The following CDH10 variants were observed in gnomAD, a reference collection of about 807,000 sequenced individuals.
CDH10 encodes the protein cadherin-10.
A neutral mutation model predicts 73.1 loss-of-function variants in CDH10; 30 were observed. That is an observed-to-expected ratio of 0.41 (90% CI 0.31 to 0.56). The LOEUF is 0.56. CDH10 is among the 20% of genes least tolerant of loss of function. The probability of loss-of-function intolerance (pLI) is 0.27; values close to 1 mark genes in which losing one functional copy is unlikely to be tolerated. For synonymous variants in CDH10, 345 were observed against 348.2 expected (o/e 0.99, Z 0.10); for missense variants, 815 against 973.7 (o/e 0.84, Z 2.17).
intron 2 of CDH10, among the ~76,000 whole-genome samples, chr5:24,586,840 A>ATTTTTTTTTTTTTTTTTTTTTTTTTTTTT (rs1746023448): frequency 9.9e-6 from 1 of 100,608 alleles, no homozygotes; most frequent in African/African-American, 5.2e-5. Flanking sequence ...GATAGCCCAT[A>ATTTTTTTTTTTTTTTTTTTTTTTTTTTTT]TTCTTTTTTT....
At chr5:24,582,312 C>T in intron 2 of CDH10, among the ~76,000 whole-genome samples, 1 of 151,916 alleles carries the variant, frequency 6.6e-6, no homozygotes, top group East Asian at 1.9e-4. Context: ...CAATATTTGG[C>T]AAAAGAAGAA....
chr5:24,572,498 G>A (rs1191736727), intron 2 of CDH10, among the ~76,000 whole-genome samples: 1 of 151,948 alleles, frequency 6.6e-6, no homozygotes, highest in Non-Finnish European at 1.5e-5. Context: ...AAAGCTGACA[G>A]AATTCAGTTT....
At chr5:24,556,240 A>T (rs1744764071) in intron 2 of CDH10, among the ~76,000 whole-genome samples, 2 of 152,224 alleles carry the variant, frequency 1.3e-5, no homozygotes, top group South Asian at 4.1e-4. Flanking sequence ...TATTGATTTG[A>T]TGTATCATCA....
rs535949137 is a variant in CDH10, at chr5:24,504,645, C to T, written c.1393+467G>A. On this transcript the variant is annotated intron_variant, in intron 8 of 11. Coordinates refer to ENST00000264463, the MANE Select transcript of CDH10 (RefSeq NM_006727.5). ...GGTTCACGCCATTCTCCTGCCTCAG[C>T]CTCCTGAGTAGCTGGGACTACAGGC... Among the ~76,000 whole-genome samples, 20 of 151,426 alleles carry T rather than the reference C, an allele frequency of 1.3e-4. No homozygotes were observed. The East Asian group carries it at 3.5e-3, about 27-fold the overall frequency.
intron 11 of CDH10, among the ~76,000 whole-genome samples, chr5:24,488,499 A>G (rs1266400788): frequency 6.6e-6 from 1 of 152,086 alleles, no homozygotes; most frequent in Non-Finnish European, 1.5e-5. Context: ...AAGATACTAT[A>G]TAAAATTTGT....
chr5:24,496,853 A>G (rs983735724), intron 9 of CDH10, among the ~76,000 whole-genome samples: 18 of 152,286 alleles, frequency 1.2e-4, no homozygotes, highest in African/African-American at 4.3e-4. Flanking sequence ...CCCTTAATAT[A>G]TAACAGTTTA....
At chr5:24,595,168 G>A (rs1746327977) in intron 1 of CDH10, among the ~76,000 whole-genome samples, 1 of 151,486 alleles carries the variant, frequency 6.6e-6, no homozygotes, top group African/African-American at 2.4e-5. Context: ...TTTTATTTCA[G>A]GATATAATAA....
At chr5:24,498,718 A>G (rs538496386) in intron 8 of CDH10, among the ~76,000 whole-genome samples, 199 bp from the exon 9 acceptor site, 1 of 152,218 alleles carries the variant, frequency 6.6e-6, no homozygotes, top group Admixed American at 6.5e-5. Context: ...ATTATTGGGC[A>G]CAAGGGTACT....
intron 1 of CDH10, among the ~76,000 whole-genome samples, chr5:24,595,916 A>C (rs1746355631): frequency 6.6e-6 from 1 of 151,942 alleles, no homozygotes; most frequent in Non-Finnish European, 1.5e-5. Flanking sequence ...TGGACCCCAC[A>C]TGCATGAGAT....
chr5:24,553,817 T>G (rs1744642433), intron 2 of CDH10, among the ~76,000 whole-genome samples: 2 of 151,896 alleles, frequency 1.3e-5, no homozygotes, highest in African/African-American at 2.4e-5. Context: ...AGAACGTAAG[T>G]AGCTAAGGTG....
At chr5:24,577,478 A>G (rs989806098) in intron 2 of CDH10, among the ~76,000 whole-genome samples, 15 of 151,840 alleles carry the variant, frequency 9.9e-5, no homozygotes, top group Non-Finnish European at 1.5e-4. Context: ...CCTTGCCTGC[A>G]TACATGCAAG....
chr5:24,604,873 A>C (rs75027746), intron 1 of CDH10, among the ~76,000 whole-genome samples: 11,863 of 139,786 alleles, frequency 0.085, 580 homozygotes, highest in South Asian at 0.13. Context: ...GATGTCTCTA[A>C]AAAAAAAAAA....
chr5:24,500,279 T>C, intron 8 of CDH10, among the ~76,000 whole-genome samples: 1 of 152,218 alleles, frequency 6.6e-6, no homozygotes, highest in South Asian at 2.1e-4. Context: ...AAGAACAGAC[T>C]GCTTAGCAGG....
rs1745774227 is a variant in CDH10, at chr5:24,580,852, G to A, written c.231+12408C>T. Among the ~76,000 whole-genome samples, 4 of 152,094 alleles carry A rather than the reference G, an allele frequency of 2.6e-5. No homozygotes were observed. In the South Asian group the frequency reaches 8.3e-4, roughly 31 times the overall value. On this transcript the variant is annotated intron_variant, in intron 2 of 11. Transcript: ENST00000264463. ...CTTTTCCAGCTGTCTGCATTCTGTG[G>A]CTTGTGTCCCCTTCCTTCATCTCCA...
chr5:24,558,904 A>C (rs1439214035), intron 2 of CDH10, among the ~76,000 whole-genome samples: 2 of 151,850 alleles, frequency 1.3e-5, no homozygotes, highest in African/African-American at 4.8e-5. Flanking sequence ...TTCAAGATCC[A>C]GATTTTTCTC....
chr5:24,597,354 T>C (rs969074429), intron 1 of CDH10, among the ~76,000 whole-genome samples: 2 of 152,262 alleles, frequency 1.3e-5, no homozygotes, highest in Admixed American at 1.3e-4. Flanking sequence ...CTGGCAAAGC[T>C]GTAGACCTCC....
At chr5:24,572,347 G>A (rs562634247) in intron 2 of CDH10, among the ~76,000 whole-genome samples, 2 of 152,188 alleles carry the variant, frequency 1.3e-5, no homozygotes, top group South Asian at 4.1e-4. Context: ...GCATTCGGCA[G>A]ATCTAGAAGG....
intron 1 of CDH10, among the ~76,000 whole-genome samples, chr5:24,637,103 T>A (rs1747890744): frequency 6.6e-6 from 1 of 151,990 alleles, no homozygotes; most frequent in Admixed American, 6.6e-5. Context: ...CTTATCTTTC[T>A]TGTATTTATC....
chr5:24,594,711 C>G (rs1378869318), intron 1 of CDH10, among the ~76,000 whole-genome samples: 1 of 151,960 alleles, frequency 6.6e-6, no homozygotes, highest in Admixed American at 6.6e-5. Context: ...GTTCACTTAG[C>G]TAGATCCTCT....
Sources: gnomAD v4.1 joint callset for allele counts (sites outside exome capture counted in the v4.1 genomes callset) on GRCh38, gnomAD v4.1.1 for gene constraint, MANE v1.5 for transcripts, NCBI Gene and HGNC (gene_info 2026-07-23, HGNC 2026-07-21) for gene names.